Variants in TNRC6B observed in about 807,000 individuals in gnomAD.
TNRC6B encodes the protein trinucleotide repeat-containing gene 6B protein.
A neutral mutation model predicts 203.6 loss-of-function variants in TNRC6B; 52 were observed. That is an observed-to-expected ratio of 0.26 (90% CI 0.20 to 0.32). The LOEUF is 0.32. Among genes scored for constraint, TNRC6B ranks in the 10% least tolerant of loss-of-function variants. TNRC6B has a pLI of 1.00. For missense variants in TNRC6B, 1,923 were observed against 2,286.2 expected (o/e 0.84, Z 3.24); for synonymous variants, 838 against 845.7 (o/e 0.99, Z 0.16).
rs185184759 is a variant in TNRC6B, at chr22:40,204,932, T to C, written c.5+26792T>C. Among the ~76,000 whole-genome samples, 155 of 152,366 alleles carry C rather than the reference T, an allele frequency of 1.0e-3. 1 individual carries two copies. The highest frequency in any genetic ancestry group is 2.3e-3 in the South Asian group (11 of 4,834). On this transcript the variant is annotated intron_variant, in intron 1 of 22. Transcript: ENST00000454349. ...GTGAAATTAATGACATTAAACACTT[T>C]CATCAGTTATTATTGTGAAAGTACA...
At chr22:40,225,666 TTGGGAG>T (rs2069773380) in intron 1 of TNRC6B, among the ~76,000 whole-genome samples, 1 of 144,244 alleles carries the variant, frequency 6.9e-6, no homozygotes, top group Admixed American at 7.6e-5. Context: ...TCGCTTGAAC[TTGGGAG>T]GCAGAGGTTG....
At chr22:40,115,196 C>A (rs1307204441) in intron 1 of TNRC6B, among the ~76,000 whole-genome samples, 1 of 152,164 alleles carries the variant, frequency 6.6e-6, no homozygotes, top group Non-Finnish European at 1.5e-5. Context: ...GTTAAGGAGA[C>A]ATGTAATGAA....
chr22:40,239,806 A>G (rs1162581405), intron 1 of TNRC6B, among the ~76,000 whole-genome samples: 1 of 152,032 alleles, frequency 6.6e-6, no homozygotes, highest in Non-Finnish European at 1.5e-5. Flanking sequence ...GCTTAAGTGA[A>G]TATTGTGAAT....
intron 3 of TNRC6B, among the ~76,000 whole-genome samples, chr22:40,132,795 T>C (rs1250903092): frequency 7.3e-6 from 1 of 137,822 alleles, no homozygotes; most frequent in Non-Finnish European, 1.6e-5. Context: ...TACAAAAAAA[T>C]TAGCCGAGCA....
At chr22:40,202,267 T>TTTTTTGTTTTTTG (rs1569019063) in intron 1 of TNRC6B, among the ~76,000 whole-genome samples, 12 of 151,774 alleles carry the variant, frequency 7.9e-5, no homozygotes, top group Non-Finnish European at 1.5e-4. Flanking sequence ...TTTGTTTTTT[T>TTTTTTGTTTTTTG]TTTTTTTGCC....
At chr22:40,067,321 CTG>C (rs2067903540) in intron 1 of TNRC6B, among the ~76,000 whole-genome samples, 1 of 152,052 alleles carries the variant, frequency 6.6e-6, no homozygotes, top group Non-Finnish European at 1.5e-5. Flanking sequence ...GAGCGCATAT[CTG>C]TATTTGTCTT....
At chr22:40,103,621 T>G (rs2068258408) in intron 1 of TNRC6B, among the ~76,000 whole-genome samples, 1 of 152,152 alleles carries the variant, frequency 6.6e-6, no homozygotes, top group Non-Finnish European at 1.5e-5. Context: ...TTGGCTATTA[T>G]GAGTAATAAT....
intron 1 of TNRC6B, among the ~76,000 whole-genome samples, chr22:40,059,206 C>G (rs62236797): frequency 6.6e-6 from 1 of 152,122 alleles, no homozygotes; most frequent in African/African-American, 2.4e-5. Context: ...TTCATTGTCC[C>G]CCTTACTCTC....
chr22:40,220,185 T>C (rs747108578), intron 1 of TNRC6B, among the ~76,000 whole-genome samples: 2 of 152,172 alleles, frequency 1.3e-5, no homozygotes, highest in Non-Finnish European at 2.9e-5. Flanking sequence ...TCTGAATCTA[T>C]ACTGCTTACT....
At chr22:40,050,894 G>A (rs781037591) in intron 1 of TNRC6B, among the ~76,000 whole-genome samples, 2 of 150,780 alleles carry the variant, frequency 1.3e-5, no homozygotes, top group African/African-American at 2.4e-5. Context: ...GCGTGATCTC[G>A]GCTCACTGCA....
chr22:40,063,456 A>G (rs566772599), intron 1 of TNRC6B, among the ~76,000 whole-genome samples: 12 of 152,354 alleles, frequency 7.9e-5, no homozygotes, highest in African/African-American at 2.6e-4. Flanking sequence ...TCTACAAGGA[A>G]GTCAGTTGAG....
intron 1 of TNRC6B, among the ~76,000 whole-genome samples, chr22:40,211,343 T>A (rs746259501): frequency 1.3e-5 from 2 of 151,838 alleles, no homozygotes; most frequent in Admixed American, 6.6e-5. Flanking sequence ...CCTCCCAGAG[T>A]ATTGGGATTA....
At chr22:40,132,952 A>AAATAAAAAAAT (rs1568992950) in intron 3 of TNRC6B, among the ~76,000 whole-genome samples, 1 of 96,180 alleles carries the variant, frequency 1.0e-5, no homozygotes, top group Non-Finnish European at 2.0e-5. Flanking sequence ...TCAAAAAAAA[A>AAATAAAAAAAT]AAAAAAAAAA....
At position 40,323,293 on chromosome 22, in the gene TNRC6B, A is replaced by G. The variant is rs2071363043; in HGVS notation, c.*52A>G. ...TGACCTTTTTTGGAACAGCAGCAGC[A>G]CTAACTTGACCTTTTCGTTTTTTTT... On this transcript the variant is annotated 3_prime_UTR_variant, in exon 23 of 23. Coordinates refer to ENST00000454349, the MANE Select transcript of TNRC6B (RefSeq NM_001162501.2). 1.3e-6 allele frequency: 2 copies of G among 1,544,084 alleles called. No individual in the cohort carries two copies. The highest frequency in any genetic ancestry group is 1.7e-6 in the Non-Finnish European group (2 of 1,155,374).
At chr22:40,065,060 G>A (rs2067884489) in intron 1 of TNRC6B, among the ~76,000 whole-genome samples, 1 of 142,522 alleles carries the variant, frequency 7.0e-6, no homozygotes, top group African/African-American at 2.6e-5. Flanking sequence ...TCTAATGAGG[G>A]TAATACTGGT....
chr22:40,215,017 T>A (rs865930006), intron 1 of TNRC6B, among the ~76,000 whole-genome samples: 1 of 152,378 alleles, frequency 6.6e-6, no homozygotes, highest in Middle Eastern at 3.4e-3. Flanking sequence ...TGCAATGATT[T>A]GTTTTGATCA....
chr22:40,315,692 C>CCCA (rs1555899857), intron 20 of TNRC6B, among the ~76,000 whole-genome samples, 185 bp downstream of exon 20: 1 of 151,974 alleles, frequency 6.6e-6, no homozygotes, highest in Non-Finnish European at 1.5e-5. Context: ...GGCAAAGGGA[C>CCCA]AGATGGAGTA....
At chr22:40,186,615 G>A (rs1274959597) in intron 1 of TNRC6B, among the ~76,000 whole-genome samples, 1 of 151,686 alleles carries the variant, frequency 6.6e-6, no homozygotes, top group Non-Finnish European at 1.5e-5. Flanking sequence ...GCGGATGCCT[G>A]TAATCCCAAC....
rs151249233 is a variant in TNRC6B at position 40,197,226 on chromosome 22, C to G, written c.5+19086C>G. 4.6e-3 allele frequency among the ~76,000 whole-genome samples: 701 copies of G among 152,142 alleles called. 8 individuals are homozygous for G. Among genetic ancestry groups the G allele is most frequent in the African/African-American group, 0.015 (641 of 41,538 alleles). On this transcript the variant is annotated intron_variant, in intron 1 of 22. Transcript: ENST00000454349. Reference sequence around the variant, plus strand: ...AACAGGAGAATGAGACTGTGCTGATCGTGTGCAGAATAGGAGGTCTTTGGG... The same window carrying G: ...AACAGGAGAATGAGACTGTGCTGATGGTGTGCAGAATAGGAGGTCTTTGGG...
Sources: allele counts gnomAD v4.1 joint callset (sites outside exome capture counted in the v4.1 genomes callset), GRCh38; gene constraint gnomAD v4.1.1; transcripts MANE v1.5; gene names NCBI Gene and HGNC (gene_info 2026-07-23, HGNC 2026-07-21).